IL1RAPL2: variants seen among roughly 807,000 people sequenced by gnomAD.
IL1RAPL2 encodes interleukin 1 receptor accessory protein like 2.
Under a neutral mutation model 44.1 loss-of-function variants are expected in IL1RAPL2, and 3 were observed. That is an observed-to-expected ratio of 0.07 (90% CI 0.03 to 0.18). The LOEUF is 0.18. Ranked by LOEUF, IL1RAPL2 falls within the 10% of genes least tolerant of loss-of-function variation. IL1RAPL2 has a pLI of 1.00. For synonymous variants in IL1RAPL2, 181 were observed against 178.8 expected, an observed-to-expected ratio of 1.01 and a Z score of -0.10; for missense variants, 391 against 496.4, an observed-to-expected ratio of 0.79 and a Z score of 2.02.
At chrX:105,678,867 A>C (rs1390485553) in intron 6 of IL1RAPL2, among the ~76,000 whole-genome samples, 1 of 111,394 alleles carries the variant, frequency 9.0e-6, no homozygotes, top group African/African-American at 3.3e-5. Context: ...GCATATAACT[A>C]AAACATATTA....
At chrX:105,548,809 TG>T (rs2036828655) in intron 6 of IL1RAPL2, among the ~76,000 whole-genome samples, 1 of 112,235 alleles carries the variant, frequency 8.9e-6, no homozygotes, top group Non-Finnish European at 1.9e-5. Context: ...CATATGTAAA[TG>T]GATTAACACG....
intron 5 of IL1RAPL2, among the ~76,000 whole-genome samples, chrX:105,391,376 C>CA (rs2035520809): frequency 9.3e-6 from 1 of 108,005 alleles, no homozygotes; most frequent in Non-Finnish European, 1.9e-5. Flanking sequence ...TTTATGCAGC[C>CA]AAAAAACACA....
intron 2 of IL1RAPL2, among the ~76,000 whole-genome samples, chrX:105,070,488 G>T (rs1299019510): frequency 9.0e-6 from 1 of 110,655 alleles, no homozygotes; most frequent in Non-Finnish European, 1.9e-5. Flanking sequence ...GAGGTTAGGG[G>T]TTCAAGACCA....
Position 105,181,935 on chromosome X carries a change from C to T in IL1RAPL2, c.83-13540C>T, listed in dbSNP as rs1369793655. ...AAAAAAAATTAGCTGGGTGTGGTAG[C>T]GGGCGCCTGTAGTCCCAGCTACTCG... On this transcript the variant is annotated intron_variant, in intron 2 of 10. Transcript: ENST00000372582. Among the ~76,000 whole-genome samples the T allele has an allele frequency of 4.6e-5, 5 of 108,700 alleles. No homozygotes were observed. In the East Asian group the frequency reaches 8.7e-4, roughly 19 times the overall value. 94.4% of individuals were successfully genotyped at this position (108,700 alleles called of 115,157 possible). A position where few individuals can be genotyped will look rare whatever the true frequency, so the allele number is the denominator to read the frequency against.
chrX:105,080,359 C>A (rs5916862), intron 2 of IL1RAPL2, among the ~76,000 whole-genome samples: 5 of 110,964 alleles, frequency 4.5e-5, no homozygotes, highest in Non-Finnish European at 9.4e-5. Flanking sequence ...TTAGGACTTA[C>A]GTTTAATTCT....
At chrX:105,213,985 A>G (rs959296622) in intron 3 of IL1RAPL2, among the ~76,000 whole-genome samples, 5 of 108,137 alleles carry the variant, frequency 4.6e-5, no homozygotes, top group Admixed American at 1.0e-4. Context: ...AGTACTAAAT[A>G]TGGAAAGGAA....
chrX:104,827,762 C>T (rs776195540), intron 2 of IL1RAPL2, among the ~76,000 whole-genome samples: 2 of 111,888 alleles, frequency 1.8e-5, no homozygotes, highest in Non-Finnish European at 3.8e-5. Flanking sequence ...TCAAGTATAC[C>T]AATCAAACGT....
intron 2 of IL1RAPL2, among the ~76,000 whole-genome samples, chrX:105,035,430 G>A (rs759432858): frequency 3.6e-5 from 4 of 112,175 alleles, no homozygotes; most frequent in Non-Finnish European, 7.5e-5. Context: ...ATTCACCAGT[G>A]TGTTCTGTGA....
intron 5 of IL1RAPL2, among the ~76,000 whole-genome samples, chrX:105,380,906 G>A (rs946839843): frequency 1.8e-5 from 2 of 111,212 alleles, no homozygotes; most frequent in Non-Finnish European, 3.8e-5. Context: ...AAATACAACA[G>A]GTGCAGAGGT....
intron 2 of IL1RAPL2, among the ~76,000 whole-genome samples, chrX:105,161,460 ATTAT>A (rs1465538763): frequency 9.1e-6 from 1 of 109,316 alleles, no homozygotes; most frequent in African/African-American, 3.3e-5. Flanking sequence ...AGATACAAAA[ATTAT>A]TTATTTGACA....
chrX:105,135,557 A>C (rs2033069371), intron 2 of IL1RAPL2, among the ~76,000 whole-genome samples: 1 of 111,958 alleles, frequency 8.9e-6, no homozygotes, highest in African/African-American at 3.2e-5. Flanking sequence ...TGATGGTAGA[A>C]TGAGACTGGA....
chrX:104,923,207 AAAT>A (rs1390181934), intron 2 of IL1RAPL2, among the ~76,000 whole-genome samples: 3 of 112,132 alleles, frequency 2.7e-5, no homozygotes, highest in Non-Finnish European at 5.6e-5. Context: ...TAGAAGAAGA[AAAT>A]AATAAGAAGT....
At chrX:105,732,882 A>G (rs1202231124) in intron 7 of IL1RAPL2, among the ~76,000 whole-genome samples, 3 of 111,352 alleles carry the variant, frequency 2.7e-5, no homozygotes, top group African/African-American at 9.8e-5. Context: ...CATGATTGCT[A>G]TTATTTTGAA....
chrX:105,357,057 A>G (rs1358794), intron 5 of IL1RAPL2, among the ~76,000 whole-genome samples: 16,457 of 111,294 alleles, frequency 0.15, 2,946 homozygotes, highest in African/African-American at 0.51. Flanking sequence ...ATGCTTGTTT[A>G]CATCATTAGG....
chrX:105,507,321 G>A (rs1011502583), intron 6 of IL1RAPL2, among the ~76,000 whole-genome samples: 5 of 111,822 alleles, frequency 4.5e-5, no homozygotes, highest in African/African-American at 1.3e-4. Context: ...GCCATTGCAC[G>A]TCTCTTGTTT....
intron 2 of IL1RAPL2, among the ~76,000 whole-genome samples, chrX:104,964,320 T>A (rs1029800083): frequency 2.9e-5 from 3 of 103,628 alleles, no homozygotes; most frequent in African/African-American, 7.3e-5. Flanking sequence ...TTATTTATTT[T>A]ATTTATTTTG....
chrX:105,716,310 T>C (rs2038256676), intron 6 of IL1RAPL2, among the ~76,000 whole-genome samples: 1 of 112,516 alleles, frequency 8.9e-6, no homozygotes, highest in South Asian at 3.6e-4. Context: ...TTTACAAAAA[T>C]ATCTGTCTCT....
At chrX:105,646,432 G>A (rs1017606834) in intron 6 of IL1RAPL2, among the ~76,000 whole-genome samples, 2 of 111,770 alleles carry the variant, frequency 1.8e-5, no homozygotes, top group Admixed American at 9.5e-5. Context: ...AGCCGTTTTA[G>A]GAGCCATTTA....
chrX:105,241,741 C>T (rs2034172970), intron 4 of IL1RAPL2, among the ~76,000 whole-genome samples: 1 of 111,862 alleles, frequency 8.9e-6, no homozygotes, highest in African/African-American at 3.2e-5. Flanking sequence ...CCAATATGTT[C>T]ACATGTAGAA....
Sources: gnomAD v4.1 joint callset for allele counts (sites outside exome capture counted in the v4.1 genomes callset) on GRCh38, gnomAD v4.1.1 for gene constraint, MANE v1.5 for transcripts, NCBI Gene and HGNC (gene_info 2026-07-23, HGNC 2026-07-21) for gene names.